RNF38: variants seen among roughly 807,000 people sequenced by gnomAD.
RNF38 encodes ring finger protein 38, also known as E3 ubiquitin-protein ligase RNF38.
Under a neutral mutation model 67.2 loss-of-function variants are expected in RNF38, and 15 were observed. The observed-to-expected ratio is 0.22, with a 90% CI of 0.15 to 0.34. The LOEUF (loss-of-function observed/expected upper bound fraction) is 0.34. Among genes scored for constraint, RNF38 ranks in the 10% least tolerant of loss-of-function variants. The pLI is 1.00. For missense variants in RNF38, 524 were observed against 639.9 expected (o/e 0.82, Z 1.95); for synonymous variants, 220 against 218.8 (o/e 1.01, Z -0.05).
At chr9:36,478,134 G>T (rs537962211) in intron 1 of RNF38, among the ~76,000 whole-genome samples, 13 of 152,122 alleles carry the variant, frequency 8.5e-5, no homozygotes, top group South Asian at 6.2e-4. Flanking sequence ...GACGTAGAAT[G>T]GTTGATATAA....
At chr9:36,450,609 A>C (rs1839413400) in intron 1 of RNF38, among the ~76,000 whole-genome samples, 2 of 152,198 alleles carry the variant, frequency 1.3e-5, no homozygotes, top group African/African-American at 4.8e-5. Context: ...CACTATACCT[A>C]TTCAATTCTC....
intron 1 of RNF38, among the ~76,000 whole-genome samples, chr9:36,392,543 C>T (rs1837189655): frequency 6.6e-6 from 1 of 151,880 alleles, no homozygotes; most frequent in Non-Finnish European, 1.5e-5. Context: ...TCAAGACTAG[C>T]CTGGACAACA....
At chr9:36,457,419 C>T (rs1839619076) in intron 1 of RNF38, among the ~76,000 whole-genome samples, 1 of 152,214 alleles carries the variant, frequency 6.6e-6, no homozygotes, top group Non-Finnish European at 1.5e-5. Context: ...AACAGAAAAA[C>T]ATGCATCTAT....
chr9:36,400,749 C>A, upstream of RNF38: 1 of 985,716 alleles, frequency 1.0e-6, no homozygotes, highest in Non-Finnish European at 1.2e-6. Context: ...ATCACACGGG[C>A]CGCGCCAGGA....
intron 4 of RNF38, among the ~76,000 whole-genome samples, chr9:36,367,967 T>A (rs978230925): frequency 9.8e-5 from 15 of 152,312 alleles, no homozygotes; most frequent in Non-Finnish European, 2.1e-4. Flanking sequence ...TTCTCCTGCT[T>A]CAGCCTCCCT....
At position 36,419,775 on chromosome 9, in the gene RNF38, T is replaced by C. The variant is rs755870401; in HGVS notation, n.312+4838A>G. On this transcript the variant is annotated intron_variant and non_coding_transcript_variant, in intron 2 of 3. Transcript: ENST00000488058. ...GGGCAGAGGTCGCAGTGAGCAGAAATTGCGCCACTGCACCCCAGCCTGGGT... is the reference window on the plus strand; with the variant it reads ...GGGCAGAGGTCGCAGTGAGCAGAAACTGCGCCACTGCACCCCAGCCTGGGT... 1.1e-4 allele frequency among the ~76,000 whole-genome samples: 16 copies of C among 152,038 alleles called. 1 individual carries two copies.
At chr9:36,467,287 C>A in intron 1 of RNF38, among the ~76,000 whole-genome samples, 1 of 139,984 alleles carries the variant, frequency 7.1e-6, no homozygotes, top group Non-Finnish European at 1.5e-5. Flanking sequence ...ATATGGGTAA[C>A]AGTAATAGTG....
At chr9:36,460,702 A>C (rs1481602699) in intron 1 of RNF38, among the ~76,000 whole-genome samples, 1 of 151,976 alleles carries the variant, frequency 6.6e-6, no homozygotes, top group Non-Finnish European at 1.5e-5. Context: ...AGCCTGACCA[A>C]CGTGGAGAAA....
At chr9:36,381,290 C>G (rs768172767) in intron 2 of RNF38, among the ~76,000 whole-genome samples, 33 of 152,118 alleles carry the variant, frequency 2.2e-4, no homozygotes, top group Non-Finnish European at 3.8e-4. Context: ...AAAATCCCCC[C>G]CAAATGACTG....
At chr9:36,418,202 ATT>A (rs1396857832) in intron 2 of RNF38, among the ~76,000 whole-genome samples, 1 of 151,728 alleles carries the variant, frequency 6.6e-6, no homozygotes, top group African/African-American at 2.4e-5. Context: ...CTAATTTTGT[ATT>A]TTTTGTATAC....
chr9:36,452,819 C>T (rs1371143890), intron 1 of RNF38, among the ~76,000 whole-genome samples: 1 of 152,192 alleles, frequency 6.6e-6, no homozygotes, highest in African/African-American at 2.4e-5. Context: ...AGGCATGAGC[C>T]ACTGCACCCG....
intron 9 of RNF38, among the ~76,000 whole-genome samples, chr9:36,349,781 T>C (rs879444650): frequency 2.0e-5 from 3 of 152,210 alleles, no homozygotes; most frequent in Admixed American, 6.5e-5. Flanking sequence ...TTAATCTATT[T>C]TGAGTTAACT....
At position 36,431,654 on chromosome 9, in the gene RNF38, C is replaced by T. The variant is rs573337668; in HGVS notation, n.242-6971G>A. On this transcript the variant is annotated intron_variant and non_coding_transcript_variant, in intron 1 of 3. Coordinates refer to the RNF38 transcript ENST00000488058. ...CATCCTCCCAGCACCTCAATGTCTT[C>T]ACCAACCCAGAAGCTCTCCAAACTC... Among the ~76,000 whole-genome samples, 7 of 152,322 alleles carry T rather than the reference C, an allele frequency of 4.6e-5. No homozygotes were observed. The East Asian group carries it at 7.7e-4, about 17-fold the overall frequency.
chr9:36,347,160 C>A, intron 9 of RNF38, among the ~76,000 whole-genome samples: 2 of 123,214 alleles, frequency 1.6e-5, no homozygotes, highest in Admixed American at 1.9e-4. Flanking sequence ...AAGTAAATTG[C>A]CAAATTGATG....
At chr9:36,346,425 A>G (rs759273336) in intron 9 of RNF38, among the ~76,000 whole-genome samples, 5 of 152,154 alleles carry the variant, frequency 3.3e-5, no homozygotes, top group Non-Finnish European at 7.3e-5. Context: ...TCCTGACATC[A>G]AGTGATCCAC....
At chr9:36,457,548 G>A (rs764954169) in intron 1 of RNF38, among the ~76,000 whole-genome samples, 1 of 152,140 alleles carries the variant, frequency 6.6e-6, no homozygotes, top group Non-Finnish European at 1.5e-5. Context: ...AAGCCCTTAT[G>A]TACAAACTTT....
chr9:36,420,531 C>CAAA (rs1447823341), intron 2 of RNF38, among the ~76,000 whole-genome samples: 4 of 29,012 alleles, frequency 1.4e-4, no homozygotes, highest in Non-Finnish European at 3.3e-4. Context: ...GACTCTGTCT[C>CAAA]CAAAAAAAAA....
chr9:36,398,106 C>T (rs760010085), intron 1 of RNF38, among the ~76,000 whole-genome samples: 8 of 152,126 alleles, frequency 5.3e-5, no homozygotes, highest in Non-Finnish European at 1.0e-4. Flanking sequence ...TTATTGCTTG[C>T]CTGCCATATG....
intron 2 of RNF38, among the ~76,000 whole-genome samples, chr9:36,416,310 T>G (rs1204616812): frequency 6.6e-6 from 1 of 151,672 alleles, no homozygotes; most frequent in African/African-American, 2.4e-5. Flanking sequence ...CACCAGGGAG[T>G]TGGGGGCAAG....
Sources: gnomAD v4.1 joint callset for allele counts (sites outside exome capture counted in the v4.1 genomes callset) on GRCh38, gnomAD v4.1.1 for gene constraint, MANE v1.5 for transcripts, NCBI Gene and HGNC (gene_info 2026-07-23, HGNC 2026-07-21) for gene names.